APP: variants seen among roughly 807,000 people sequenced by gnomAD.
APP encodes the protein amyloid beta precursor protein.
Under a neutral mutation model 101.4 loss-of-function variants are expected in APP, and 31 were observed. That is an observed-to-expected ratio of 0.31 (90% CI 0.23 to 0.41). The LOEUF (loss-of-function observed/expected upper bound fraction) is 0.41. Among genes scored for constraint, APP ranks in the 10% least tolerant of loss-of-function variants. The probability of loss-of-function intolerance (pLI) is 1.00; values close to 1 mark genes in which losing one functional copy is unlikely to be tolerated. For missense variants in APP, 839 were observed against 1,003.7 expected, an observed-to-expected ratio of 0.84 and a Z score of 2.22; for synonymous variants, 366 against 364.4, an observed-to-expected ratio of 1.00 and a Z score of -0.05.
At chr21:26,061,861 G>A (rs1178699481) in intron 3 of APP, among the ~76,000 whole-genome samples, 1 of 152,280 alleles carries the variant, frequency 6.6e-6, no homozygotes, top group East Asian at 1.9e-4. Context: ...TTTTCCAAGT[G>A]CACAGATCCA....
chr21:26,049,413 T>C (rs762529656), intron 5 of APP, among the ~76,000 whole-genome samples: 9 of 152,110 alleles, frequency 5.9e-5, no homozygotes, highest in Non-Finnish European at 8.8e-5. Flanking sequence ...GGAGGGGTCA[T>C]CTGTAGAGCA....
chr21:25,888,755 C>G (rs1024021202), intron 17 of APP, among the ~76,000 whole-genome samples: 1 of 144,214 alleles, frequency 6.9e-6, no homozygotes, highest in Admixed American at 7.1e-5. Flanking sequence ...CAATGAGACA[C>G]TGCTTGGTAA....
intron 13 of APP, among the ~76,000 whole-genome samples, chr21:25,952,187 T>TAC (rs1324301529): frequency 0.046 from 5,119 of 111,074 alleles, 302 homozygotes; most frequent in African/African-American, 0.14. Flanking sequence ...GCATATTACA[T>TAC]ACATACACAC....
At position 25,982,371 on chromosome 21, in the gene APP, C is replaced by T. The variant is rs762740679; in HGVS notation, c.1197G>A (p.Glu399=). ...GGGACATTCTCTCTCGGTGCTTGGC[C>T]TCAAGCCTCTCTTTGGCTTTCTGGA... The part of the protein sequence containing the change: ...AHFQKAKERL[E]AKHRERMSQV... The change falls in exon 9 of 18, where the codon GAG becomes GAA. Residue 399 remains glutamate, a synonymous_variant. Transcript: ENST00000346798. 2 of 1,613,806 alleles carry T rather than the reference C, an allele frequency of 1.2e-6. No homozygotes were observed. Among genetic ancestry groups the T allele is most frequent in the South Asian group, 2.2e-5 (2 of 91,058 alleles).
In APP at chr21:26,049,007, G is replaced by A. The variant is rs2146897024; in HGVS notation, c.662+1993C>T. On this transcript the variant is annotated intron_variant, in intron 5 of 17. Transcript: ENST00000346798. ...ATGTATAAGGCTGAAAATGCAGGCT[G>A]AAGCCATGTAAGAGACTTCTGAATG... Among the ~76,000 whole-genome samples, 4 of 152,322 alleles carry A rather than the reference G, an allele frequency of 2.6e-5. No homozygotes were observed. In the East Asian group the frequency reaches 7.7e-4, roughly 29 times the overall value.
intron 2 of APP, among the ~76,000 whole-genome samples, chr21:26,110,167 A>C (rs1332243883): frequency 6.6e-6 from 1 of 152,194 alleles, no homozygotes; most frequent in Non-Finnish European, 1.5e-5. Context: ...ATAATGGACC[A>C]TACGTGGTAG....
chr21:26,151,621 G>C (rs537103737), intron 1 of APP, among the ~76,000 whole-genome samples: 2 of 152,326 alleles, frequency 1.3e-5, no homozygotes, highest in East Asian at 3.9e-4. Flanking sequence ...GGATGAAACT[G>C]CTCCACCTCA....
intron 8 of APP, among the ~76,000 whole-genome samples, chr21:25,984,390 T>C (rs2042560054): frequency 6.6e-6 from 1 of 152,084 alleles, no homozygotes; most frequent in Admixed American, 6.5e-5. Flanking sequence ...AGTATGTATT[T>C]TTCAAAAAAT....
chr21:26,030,136 C>T (rs1389867956), intron 5 of APP, among the ~76,000 whole-genome samples: 1 of 152,048 alleles, frequency 6.6e-6, no homozygotes, highest in East Asian at 1.9e-4. Context: ...TAAACAATAC[C>T]CCTGGGACAT....
chr21:25,943,443 A>G (rs2657503), intron 13 of APP, among the ~76,000 whole-genome samples: 135,844 of 149,052 alleles, frequency 0.91, 61,907 homozygotes, highest in African/African-American at 0.92. Context: ...TGAGCACCGC[A>G]CCCAGCTTTT....
At chr21:26,128,826 G>A (rs985847097) in intron 1 of APP, among the ~76,000 whole-genome samples, 1 of 152,120 alleles carries the variant, frequency 6.6e-6, no homozygotes, top group Non-Finnish European at 1.5e-5. Context: ...CATTTAACAT[G>A]CTTGGAACTG....
chr21:25,970,644 T>C (rs932914241), intron 11 of APP, among the ~76,000 whole-genome samples: 1 of 152,206 alleles, frequency 6.6e-6, no homozygotes, highest in Admixed American at 6.5e-5. Flanking sequence ...ATATGAATAT[T>C]CTTTTTCAAA....
At chr21:25,918,472 G>C (rs1219619298) in intron 13 of APP, among the ~76,000 whole-genome samples, 1 of 152,070 alleles carries the variant, frequency 6.6e-6, no homozygotes, top group South Asian at 2.1e-4. Context: ...TGAGATACCG[G>C]GTTCATCTCA....
chr21:26,157,146 T>G lies in APP; in HGVS notation c.57+13418A>C, dbSNP rs1392542350. Among the ~76,000 whole-genome samples, 61 of 152,028 alleles carry G rather than the reference T, an allele frequency of 4.0e-4. 1 individual carries two copies. The highest frequency in any genetic ancestry group is 1.5e-5 in the Non-Finnish European group (1 of 67,996). On this transcript the variant is annotated intron_variant, in intron 1 of 17. Coordinates refer to ENST00000346798, the MANE Select transcript of APP (RefSeq NM_000484.4). The stretch of plus-strand genomic sequence containing the variant: ...ATGCAGTGGTATGATCTCGGCTCAC[T>G]GCAACCTCCGCCTCCTGGGTTCAAG...
intron 8 of APP, among the ~76,000 whole-genome samples, chr21:25,989,938 G>T (rs58908134): frequency 0.18 from 27,019 of 149,120 alleles, 2,472 homozygotes; most frequent in South Asian, 0.32. Context: ...AAAAAAAAGT[G>T]TCTCTCCATT....
At chr21:26,163,246 A>C (rs1448841642) in intron 1 of APP, among the ~76,000 whole-genome samples, 17 of 102,108 alleles carry the variant, frequency 1.7e-4, no homozygotes, top group East Asian at 1.2e-3. Flanking sequence ...TCTCAAAAAA[A>C]AAAAAAAAAA....
intron 6 of APP, among the ~76,000 whole-genome samples, chr21:26,011,779 ACTTTT>A: frequency 8.1e-6 from 1 of 123,190 alleles, no homozygotes; most frequent in East Asian, 2.2e-4. Context: ...GGCAAGCAAG[ACTTTT>A]CTTTGCTCCT....
intron 8 of APP, 70 bp from the exon 9 acceptor site, chr21:25,982,547 TAGAA>T: frequency 1.4e-6 from 2 of 1,453,112 alleles, no homozygotes; most frequent in Non-Finnish European, 1.9e-6. Flanking sequence ...ACTCGTTTAA[TAGAA>T]AGCCGTATTT....
At chr21:25,884,430 T>G (rs1037784148) in intron 17 of APP, among the ~76,000 whole-genome samples, 1 of 152,234 alleles carries the variant, frequency 6.6e-6, no homozygotes, top group Non-Finnish European at 1.5e-5. Flanking sequence ...TCACAGATAT[T>G]TTCCTTATCC....
Sources: gnomAD v4.1 joint callset for allele counts (sites outside exome capture counted in the v4.1 genomes callset) on GRCh38, gnomAD v4.1.1 for gene constraint, MANE v1.5 for transcripts, NCBI Gene and HGNC (gene_info 2026-07-23, HGNC 2026-07-21) for gene names.